The following CSNK1G3 variants were observed in gnomAD, a reference collection of about 807,000 sequenced individuals.
CSNK1G3 encodes casein kinase 1 gamma 3, also known as casein kinase I isoform gamma-3.
In CSNK1G3, 23 loss-of-function variants were observed where a neutral mutation model predicts 64.3. The observed-to-expected ratio is 0.36, with a 90% CI of 0.26 to 0.51. CSNK1G3 has a LOEUF of 0.51. CSNK1G3 is among the 20% of genes least tolerant of loss of function. The pLI is 0.96. For missense variants in CSNK1G3, 357 were observed against 510.5 expected (o/e 0.70, Z 2.90); for synonymous variants, 158 against 162.2 (o/e 0.97, Z 0.20).
intron 2 of CSNK1G3, among the ~76,000 whole-genome samples, chr5:123,547,973 A>G (rs1284481479): frequency 2.6e-5 from 4 of 152,194 alleles, no homozygotes; most frequent in East Asian, 1.9e-4. Context: ...TTAAAACCTC[A>G]TTAATAGATA....
At chr5:123,553,077 G>T in intron 2 of CSNK1G3, 30 bp from the exon 3 acceptor site, 1 of 1,227,924 alleles carries the variant, frequency 8.1e-7, no homozygotes, top group Non-Finnish European at 1.1e-6. Context: ...TCAATTACTG[G>T]CAGAATCTGA....
intron 1 of CSNK1G3, among the ~76,000 whole-genome samples, chr5:123,525,963 A>C (rs1481581483): frequency 6.7e-6 from 1 of 149,858 alleles, no homozygotes; most frequent in East Asian, 2.0e-4. Context: ...GCACCACTGC[A>C]CTCCAGCTTG....
intron 6 of CSNK1G3, among the ~76,000 whole-genome samples, chr5:123,586,613 A>T (rs1791379470): frequency 6.6e-6 from 1 of 152,144 alleles, no homozygotes; most frequent in Admixed American, 6.6e-5. Context: ...GGAAGTTGAA[A>T]TCTCTTCTCT....
chr5:123,577,032 G>A (rs115654046), intron 6 of CSNK1G3, among the ~76,000 whole-genome samples: 1,556 of 152,164 alleles, frequency 0.01, 34 homozygotes, highest in African/African-American at 0.035. Flanking sequence ...TGTATTGAAT[G>A]CATTATCATT....
chr5:123,554,919 C>CATTA (rs1784351224), intron 3 of CSNK1G3, among the ~76,000 whole-genome samples: 1 of 152,180 alleles, frequency 6.6e-6, no homozygotes, highest in African/African-American at 2.4e-5. Context: ...CTGTTTCATT[C>CATTA]ATTAAGTGGT....
At chr5:123,579,662 T>C (rs1352384216) in intron 6 of CSNK1G3, among the ~76,000 whole-genome samples, 4 of 151,980 alleles carry the variant, frequency 2.6e-5, no homozygotes, top group Admixed American at 2.0e-4. Context: ...TTTGTAGAAA[T>C]GGCGAAGTGA....
At chr5:123,603,608 G>A (rs1480000513) in intron 10 of CSNK1G3, among the ~76,000 whole-genome samples, 1 of 152,046 alleles carries the variant, frequency 6.6e-6, no homozygotes, top group African/African-American at 2.4e-5. Flanking sequence ...TTAAAATAGG[G>A]TGTAACATAA....
chr5:123,520,353 G>A (rs917425468), intron 1 of CSNK1G3, among the ~76,000 whole-genome samples: 5 of 151,920 alleles, frequency 3.3e-5, no homozygotes, highest in Non-Finnish European at 5.9e-5. Flanking sequence ...TTATGTTAAT[G>A]TCAGTTGTTT....
intron 1 of CSNK1G3, among the ~76,000 whole-genome samples, chr5:123,545,200 G>T (rs183525460): frequency 6.6e-6 from 1 of 152,128 alleles, no homozygotes; most frequent in East Asian, 1.9e-4. Flanking sequence ...TAATTTTTAA[G>T]AAGTAATTGA....
At chr5:123,529,248 C>T (rs1387858707) in intron 1 of CSNK1G3, among the ~76,000 whole-genome samples, 4 of 152,054 alleles carry the variant, frequency 2.6e-5, no homozygotes, top group Non-Finnish European at 5.9e-5. Flanking sequence ...AACAAAGTTA[C>T]GTATTGATTG....
At chr5:123,597,511 T>C (rs1793656161) in intron 10 of CSNK1G3, among the ~76,000 whole-genome samples, 1 of 152,092 alleles carries the variant, frequency 6.6e-6, no homozygotes, top group Non-Finnish European at 1.5e-5. Flanking sequence ...GAACTGATCA[T>C]TGCTGTCAGT....
chr5:123,531,474 C>G (rs533549162), intron 1 of CSNK1G3, among the ~76,000 whole-genome samples: 1 of 152,082 alleles, frequency 6.6e-6, no homozygotes, highest in African/African-American at 2.4e-5. Context: ...ATGCCAGTGG[C>G]TGACATTTCT....
chr5:123,571,408 C>T (rs775198015), intron 4 of CSNK1G3, among the ~76,000 whole-genome samples: 5 of 152,088 alleles, frequency 3.3e-5, no homozygotes, highest in African/African-American at 1.2e-4. Context: ...CTCAGCCTCC[C>T]GAGTAGCTGG....
chr5:123,545,306 G>A (rs6595458), intron 1 of CSNK1G3, 111 bp from the exon 2 acceptor site: 77,118 of 165,084 alleles, frequency 0.47, 18,655 homozygotes, highest in Middle Eastern at 0.6. Flanking sequence ...ATTTCAATGG[G>A]CATCAATAGA....
intron 12 of CSNK1G3, among the ~76,000 whole-genome samples, chr5:123,611,502 T>C (rs886318154): frequency 6.6e-6 from 1 of 152,310 alleles, no homozygotes. Flanking sequence ...GAAGGAAAGA[T>C]TACTTAAGTG....
At chr5:123,556,223 T>G (rs1293463756) in intron 3 of CSNK1G3, among the ~76,000 whole-genome samples, 1 of 152,130 alleles carries the variant, frequency 6.6e-6, no homozygotes, top group Non-Finnish European at 1.5e-5. Context: ...TGAATTCTTT[T>G]GTTGTTGGTC....
chr5:123,572,947 G>C (rs532168478), intron 4 of CSNK1G3, among the ~76,000 whole-genome samples: 3 of 152,200 alleles, frequency 2.0e-5, no homozygotes, highest in Non-Finnish European at 4.4e-5. Flanking sequence ...TTTATACAAG[G>C]TGTATAAGCC....
chr5:123,538,277 T>C (rs1446778007), intron 1 of CSNK1G3, among the ~76,000 whole-genome samples: 1 of 152,170 alleles, frequency 6.6e-6, no homozygotes, highest in Non-Finnish European at 1.5e-5. Context: ...AGTCATACTA[T>C]TTTTTACTCC....
intron 3 of CSNK1G3, among the ~76,000 whole-genome samples, chr5:123,556,627 T>C (rs976108698): frequency 6.6e-5 from 10 of 152,080 alleles, no homozygotes; most frequent in Non-Finnish European, 1.3e-4. Context: ...CTTTTTGAAA[T>C]TTTCTATTAC....
Sources: allele counts gnomAD v4.1 joint callset (sites outside exome capture counted in the v4.1 genomes callset), GRCh38; gene constraint gnomAD v4.1.1; transcripts MANE v1.5; gene names NCBI Gene and HGNC (gene_info 2026-07-23, HGNC 2026-07-21).